The following FARS2 variants were observed in gnomAD, a reference collection of about 807,000 sequenced individuals.
FARS2 encodes the protein phenylalanine--tRNA ligase, mitochondrial.
A neutral mutation model predicts 46.4 loss-of-function variants in FARS2; 40 were observed. That is an observed-to-expected ratio of 0.86 (90% CI 0.67 to 1.12). The LOEUF (loss-of-function observed/expected upper bound fraction) is 1.12. Among genes scored for constraint, FARS2 ranks in the 50% most tolerant of loss-of-function variants. The probability of loss-of-function intolerance (pLI) is 0.00; values close to 1 mark genes in which losing one functional copy is unlikely to be tolerated. For missense variants in FARS2, 513 were observed against 567.9 expected (o/e 0.90, Z 0.98); for synonymous variants, 234 against 214.9 (o/e 1.09, Z -0.78).
At chr6:5,512,950 G>A (rs1433579847) in intron 4 of FARS2, among the ~76,000 whole-genome samples, 5 of 152,138 alleles carry the variant, frequency 3.3e-5, no homozygotes, top group African/African-American at 1.2e-4. Context: ...GACACACTGG[G>A]GACCCTGGAT....
At position 5,297,603 on chromosome 6, in the gene FARS2, G is replaced by C. The variant is rs1037108662; in HGVS notation, c.-22+35943G>C. On this transcript the variant is annotated intron_variant, in intron 1 of 6. Transcript: ENST00000274680. ...GCGGAGGTTGCAGTGAGCCAAGATC[G>C]TGCCATTGCACTCCAGCCCGGGCAA... Among the ~76,000 whole-genome samples, 3 of 152,066 alleles carry C rather than the reference G, an allele frequency of 2.0e-5. No homozygotes were observed. In the South Asian group the frequency reaches 6.2e-4, roughly 32 times the overall value.
intron 2 of FARS2, among the ~76,000 whole-genome samples, chr6:5,403,382 A>T (rs948447212): frequency 1.3e-5 from 2 of 152,206 alleles, no homozygotes; most frequent in African/African-American, 2.4e-5. Context: ...GCTTGGTTCC[A>T]CAGCAAAGCT....
chr6:5,605,576 A>G (rs1378868001), intron 5 of FARS2, among the ~76,000 whole-genome samples: 1 of 152,256 alleles, frequency 6.6e-6, no homozygotes, highest in African/African-American at 2.4e-5. Flanking sequence ...ACCTCTGAGC[A>G]GGGAGGGTGA....
At chr6:5,753,918 T>C (rs889126629) in intron 6 of FARS2, among the ~76,000 whole-genome samples, 1 of 152,238 alleles carries the variant, frequency 6.6e-6, no homozygotes, top group African/African-American at 2.4e-5. Context: ...AGTATGAGAT[T>C]GCCTACATAG....
chr6:5,545,483 G>A (rs532101780), intron 5 of FARS2, 143 bp downstream of exon 5: 7 of 624,164 alleles, frequency 1.1e-5, no homozygotes, highest in African/African-American at 5.6e-5. Context: ...GGATACATGT[G>A]CAGAACGTGC....
chr6:5,406,258 T>G (rs558685771), intron 3 of FARS2, among the ~76,000 whole-genome samples: 12 of 152,358 alleles, frequency 7.9e-5, no homozygotes, highest in African/African-American at 2.9e-4. Context: ...TACACATATC[T>G]AAAGTGTACA....
At position 5,341,102 on chromosome 6, in the gene FARS2, C is replaced by T. The variant is rs561353084; in HGVS notation, c.-21-27448C>T. Among the ~76,000 whole-genome samples, 10 of 147,586 alleles carry T rather than the reference C, an allele frequency of 6.8e-5. No individual in the cohort carries two copies. The East Asian group carries it at 7.9e-4, about 12-fold the overall frequency. On this transcript the variant is annotated intron_variant, in intron 1 of 6. Transcript: ENST00000274680. ...GGCGGAGGTTGCAGTGAGCCGAGAT[C>T]GTGCTGCTGCATTCCAGCCTGGGCG...
intron 6 of FARS2, among the ~76,000 whole-genome samples, chr6:5,763,070 A>G (rs1221239246): frequency 6.6e-6 from 1 of 152,132 alleles, no homozygotes; most frequent in African/African-American, 2.4e-5. Flanking sequence ...TAACTGATGG[A>G]GCCCCATCAT....
intron 5 of FARS2, among the ~76,000 whole-genome samples, chr6:5,580,341 A>AAAGC (rs1471174044): frequency 4.0e-5 from 6 of 151,274 alleles, no homozygotes; most frequent in African/African-American, 1.5e-4. Context: ...GGAAGGAAGG[A>AAAGC]AAGCAAGAAA....
chr6:5,499,222 C>T (rs969768653), intron 4 of FARS2, among the ~76,000 whole-genome samples: 5 of 152,152 alleles, frequency 3.3e-5, no homozygotes, highest in African/African-American at 7.2e-5. Context: ...TTCTGGCCAA[C>T]GTGTGCCTAC....
chr6:5,684,414 CCT>C (rs1394378892), intron 6 of FARS2, among the ~76,000 whole-genome samples: 1 of 152,164 alleles, frequency 6.6e-6, no homozygotes, highest in Non-Finnish European at 1.5e-5. Context: ...CTTATGAATC[CCT>C]GAGTATCCAG....
At chr6:5,753,517 A>G (rs1020202931) in intron 6 of FARS2, among the ~76,000 whole-genome samples, 2 of 152,206 alleles carry the variant, frequency 1.3e-5, no homozygotes, top group Non-Finnish European at 2.9e-5. Context: ...CTTTTAATGA[A>G]TCGCAGAAAT....
rs567341721 is a variant in FARS2 at position 5,355,346 on chromosome 6, A to C, written c.-21-13204A>C. On this transcript the variant is annotated intron_variant, in intron 1 of 6. Transcript: ENST00000274680. ...TTTTACTGTTTGAACCCAAAGGATAATTTTACTTTTTTTAGGTTTTCCTTT... is the reference window on the plus strand; with the variant it reads ...TTTTACTGTTTGAACCCAAAGGATACTTTTACTTTTTTTAGGTTTTCCTTT... Among the ~76,000 whole-genome samples, 34 of 143,240 alleles carry C rather than the reference A, an allele frequency of 2.4e-4. No homozygotes were observed. The South Asian group carries it at 7.3e-3, about 31-fold the overall frequency. 94.0% of individuals were successfully genotyped at this position (143,240 alleles called of 152,430 possible).
chr6:5,296,129 CTTTTTTT>C (rs70974187), intron 1 of FARS2, among the ~76,000 whole-genome samples: 3 of 55,066 alleles, frequency 5.4e-5, no homozygotes, highest in African/African-American at 8.9e-5. Context: ...TCATTTTGGC[CTTTTTTT>C]TTTTTTTTTT....
intron 4 of FARS2, among the ~76,000 whole-genome samples, chr6:5,479,781 A>G (rs1192508088): frequency 6.6e-6 from 1 of 152,216 alleles, no homozygotes; most frequent in African/African-American, 2.4e-5. Context: ...ATTACAACTT[A>G]ATTGTATGGT....
At chr6:5,523,807 A>G (rs898531632) in intron 4 of FARS2, among the ~76,000 whole-genome samples, 2 of 152,168 alleles carry the variant, frequency 1.3e-5, no homozygotes, top group African/African-American at 4.8e-5. Context: ...TTTGTCAGGT[A>G]TGGATGATGG....
chr6:5,396,919 TC>T (rs1357051126), intron 2 of FARS2, among the ~76,000 whole-genome samples: 1 of 151,950 alleles, frequency 6.6e-6, no homozygotes, highest in Non-Finnish European at 1.5e-5. Flanking sequence ...CCCTCACGTT[TC>T]CCCCTGATTT....
chr6:5,734,093 G>A (rs1196690164), intron 6 of FARS2, among the ~76,000 whole-genome samples: 2 of 152,198 alleles, frequency 1.3e-5, no homozygotes, highest in Admixed American at 6.5e-5. Flanking sequence ...GAAACCTGCT[G>A]TGGACAATGC....
At chr6:5,356,441 ACT>A (rs764999735) in intron 1 of FARS2, among the ~76,000 whole-genome samples, 94 of 152,274 alleles carry the variant, frequency 6.2e-4, no homozygotes, top group Non-Finnish European at 1.0e-3. Flanking sequence ...ACAGAGCGAG[ACT>A]CTGTCAAATG....
Sources: gnomAD v4.1 joint callset for allele counts (sites outside exome capture counted in the v4.1 genomes callset) on GRCh38, gnomAD v4.1.1 for gene constraint, MANE v1.5 for transcripts, NCBI Gene and HGNC (gene_info 2026-07-23, HGNC 2026-07-21) for gene names.